IGSF21: variants seen among roughly 807,000 people sequenced by gnomAD.
The protein encoded by IGSF21 is immunoglobin superfamily member 21.
Under a neutral mutation model 46.8 loss-of-function variants are expected in IGSF21, and 28 were observed. The ratio of observed to expected loss-of-function variants is 0.60; its 90% CI spans 0.44 to 0.82. IGSF21 has a LOEUF of 0.82. Ranked by LOEUF, IGSF21 falls within the 40% of genes least tolerant of loss-of-function variation. The pLI is 0.00. For missense variants in IGSF21, 624 were observed against 665.5 expected (o/e 0.94, Z 0.69); for synonymous variants, 284 against 273.6 (o/e 1.04, Z -0.38).
At chr1:18,215,869 A>G (rs1048960262) in intron 1 of IGSF21, among the ~76,000 whole-genome samples, 1 of 152,154 alleles carries the variant, frequency 6.6e-6, no homozygotes, top group African/African-American at 2.4e-5. Flanking sequence ...CCAGGGCTCC[A>G]TGGCTCACAA....
intron 2 of IGSF21, among the ~76,000 whole-genome samples, chr1:18,269,231 G>C (rs536519336): frequency 1.4e-4 from 21 of 152,326 alleles, no homozygotes; most frequent in African/African-American, 5.1e-4. Context: ...TGATGCCGAT[G>C]AGACTTGGGG....
At chr1:18,178,167 G>A (rs993705589) in intron 1 of IGSF21, among the ~76,000 whole-genome samples, 1 of 152,140 alleles carries the variant, frequency 6.6e-6, no homozygotes, top group African/African-American at 2.4e-5. Flanking sequence ...TGACAACAGC[G>A]TCATTCCCTC....
intron 2 of IGSF21, among the ~76,000 whole-genome samples, chr1:18,233,386 C>T (rs1333578028): frequency 6.6e-6 from 1 of 152,092 alleles, no homozygotes; most frequent in Non-Finnish European, 1.5e-5. Flanking sequence ...TGCTTGGGAC[C>T]ATTTGAAAAG....
intron 3 of IGSF21, among the ~76,000 whole-genome samples, chr1:18,315,547 T>TGACGGATGGATG (rs1553162965): frequency 6.7e-6 from 1 of 149,268 alleles, no homozygotes; most frequent in Non-Finnish European, 1.5e-5. Context: ...AGTGGATGGA[T>TGACGGATGGATG]GATGGATGGA....
chr1:18,329,970 C>T (rs886547860), intron 3 of IGSF21, among the ~76,000 whole-genome samples: 11 of 152,198 alleles, frequency 7.2e-5, no homozygotes, highest in Non-Finnish European at 1.2e-4. Flanking sequence ...GAGATGCCGT[C>T]GGTGTTGGTA....
At chr1:18,178,348 G>A (rs929352319) in intron 1 of IGSF21, among the ~76,000 whole-genome samples, 3 of 152,118 alleles carry the variant, frequency 2.0e-5, no homozygotes, top group Non-Finnish European at 4.4e-5. Context: ...CCACCGAAAG[G>A]GAGACTCGGG....
chr1:18,131,259 T>G (rs559648434), intron 1 of IGSF21, among the ~76,000 whole-genome samples: 1 of 152,302 alleles, frequency 6.6e-6, no homozygotes. Context: ...AGCTCAGACA[T>G]AAACTCCCAA....
chr1:18,120,023 G>A (rs986961395), intron 1 of IGSF21, among the ~76,000 whole-genome samples: 16 of 152,328 alleles, frequency 1.1e-4, no homozygotes, highest in African/African-American at 3.6e-4. Context: ...GGCTTCTGGA[G>A]GCACCACCAT....
intron 1 of IGSF21, among the ~76,000 whole-genome samples, chr1:18,116,528 C>T (rs2086191655): frequency 1.3e-5 from 2 of 152,228 alleles, no homozygotes; most frequent in Non-Finnish European, 2.9e-5. Flanking sequence ...CCTGATGGGG[C>T]CAGCAGGCCA....
At chr1:18,363,793 G>A (rs2086129701) in intron 5 of IGSF21, among the ~76,000 whole-genome samples, 1 of 150,524 alleles carries the variant, frequency 6.6e-6, no homozygotes, top group South Asian at 2.1e-4. Flanking sequence ...GGGATTGTGG[G>A]CAGAGGAGTA....
intron 1 of IGSF21, among the ~76,000 whole-genome samples, chr1:18,196,905 C>T (rs1215067707): frequency 2.6e-5 from 4 of 152,122 alleles, no homozygotes; most frequent in Non-Finnish European, 5.9e-5. Context: ...GTGGGGGAGC[C>T]GCCCCGTGCC....
intron 4 of IGSF21, among the ~76,000 whole-genome samples, chr1:18,349,217 A>G (rs2085925372): frequency 6.6e-6 from 1 of 152,186 alleles, no homozygotes; most frequent in Admixed American, 6.5e-5. Flanking sequence ...TGGAGTGTCC[A>G]AGCCCCTCTC....
chr1:18,177,763 G>A (rs7550639), intron 1 of IGSF21, among the ~76,000 whole-genome samples: 3 of 152,144 alleles, frequency 2.0e-5, no homozygotes, highest in African/African-American at 4.8e-5. Flanking sequence ...TGATTGGATC[G>A]AGGAGGTGGC....
At chr1:18,353,412 G>A (rs184702935) in intron 4 of IGSF21, among the ~76,000 whole-genome samples, 1 of 152,002 alleles carries the variant, frequency 6.6e-6, no homozygotes, top group Non-Finnish European at 1.5e-5. Context: ...TGGAAAATAC[G>A]TATTGAGCAA....
At position 18,275,137 on chromosome 1, in the gene IGSF21, A is replaced by C. The variant is rs146312308; in HGVS notation, c.184-16729A>C. Among the ~76,000 whole-genome samples, 525 of 152,362 alleles carry C rather than the reference A, an allele frequency of 3.4e-3. 4 individuals are homozygous for C. Among genetic ancestry groups the C allele is most frequent in the African/African-American group, 0.012 (500 of 41,574 alleles). On this transcript the variant is annotated intron_variant, in intron 2 of 9. Transcript: ENST00000251296. ...CCGATTACAAATTTCAAATTTCAGA[A>C]GCAGAGTCTTAAACCAACTGCAGAG...
intron 1 of IGSF21, among the ~76,000 whole-genome samples, chr1:18,139,648 C>T (rs936281578): frequency 3.9e-5 from 6 of 152,214 alleles, no homozygotes; most frequent in Admixed American, 1.3e-4. Flanking sequence ...AGCCCCACAA[C>T]GTGTTGGGTG....
intron 4 of IGSF21, among the ~76,000 whole-genome samples, chr1:18,341,257 C>G (rs1485921767): frequency 6.6e-6 from 1 of 151,810 alleles, no homozygotes; most frequent in Non-Finnish European, 1.5e-5. Flanking sequence ...CTGTGCCCAC[C>G]TCAACAGATT....
chr1:18,290,381 C>T lies in IGSF21; in HGVS notation c.184-1485C>T, dbSNP rs1365909002. Among the ~76,000 whole-genome samples, 1 of 152,122 alleles carries T rather than the reference C, an allele frequency of 6.6e-6. No individual in the cohort carries two copies. Among genetic ancestry groups the T allele is most frequent in the Non-Finnish European group, 1.5e-5 (1 of 68,008 alleles). Reference sequence around the variant, plus strand: ...CAGAGATAGGAGGGGTGTGGGCTTACGGAGGGGTAAGGAGAAGCCGTGCCC... The same window carrying T: ...CAGAGATAGGAGGGGTGTGGGCTTATGGAGGGGTAAGGAGAAGCCGTGCCC... On this transcript the variant is annotated intron_variant, in intron 2 of 9. Transcript: ENST00000251296. This position sits in a 1 kb window ranked among gnomAD's most constrained non-coding sequence, Gnocchi z 4.2.
chr1:18,373,952 C>T (rs539001652), intron 6 of IGSF21, among the ~76,000 whole-genome samples: 1 of 152,190 alleles, frequency 6.6e-6, no homozygotes, highest in Non-Finnish European at 1.5e-5. Flanking sequence ...CAGGCCCAGG[C>T]CCGGGCCTGA....
Sources: gnomAD v4.1 joint callset for allele counts (sites outside exome capture counted in the v4.1 genomes callset) on GRCh38, gnomAD v4.1.1 for gene constraint, Gnocchi (gnomAD v3.1) non-coding constraint, MANE v1.5 for transcripts, NCBI Gene and HGNC (gene_info 2026-07-23, HGNC 2026-07-21) for gene names.